The following SENP7 variants were observed in gnomAD, a reference collection of about 807,000 sequenced individuals.
The protein encoded by SENP7 is SUMO specific peptidase 7.
Under a neutral mutation model 141.2 loss-of-function variants are expected in SENP7, and 64 were observed. That is an observed-to-expected ratio of 0.45 (90% CI 0.37 to 0.56). The LOEUF (loss-of-function observed/expected upper bound fraction) is 0.56, where lower values mean the gene tolerates loss of function less well. Ranked by LOEUF, SENP7 falls within the 20% of genes least tolerant of loss-of-function variation. The pLI, the probability that SENP7 is intolerant of heterozygous loss-of-function variation, is 0.00. For synonymous variants in SENP7, 382 were observed against 426.4 expected, an observed-to-expected ratio of 0.90 and a Z score of 1.28; for missense variants, 1,025 against 1,212.2, an observed-to-expected ratio of 0.85 and a Z score of 2.29.
chr3:101,340,400 G>A lies in SENP7; in HGVS notation c.2241-189C>T, dbSNP rs1356880317. The stretch of plus-strand genomic sequence containing the variant: ...CCTCACAAGCTACTAATGGTACTCC[G>A]ATTGAGTATTATCTTTTCTTTTCCA... On this transcript the variant is annotated intron_variant, in intron 15 of 23. Transcript: ENST00000394095. The A allele has an allele frequency of 1.7e-5, 11 of 638,850 alleles. No individual in the cohort carries two copies. In the South Asian group the frequency reaches 1.7e-4, roughly 10 times the overall value. The allele number at this position is 638,850 out of a possible 1,614,324, so 39.6% of individuals were successfully genotyped here.
In SENP7 at chr3:101,343,948, G is replaced by A; in HGVS notation, c.1844C>T (p.Ser615Phe). Residue 615 changes from serine (S) to phenylalanine (F), a missense_variant, in exon 14 of 24, where the codon TCT (serine) becomes TTT (phenylalanine). Around this residue, in one of 4 missense-constraint regions of SENP7, gnomAD observed 228 missense variants for 228.5 expected, o/e 1.00. Coordinates refer to ENST00000394095, the MANE Select transcript of SENP7 (RefSeq NM_020654.5). ...EHSVLSQQSKSSEFIFLELHN... is the reference protein window; with the variant it reads ...EHSVLSQQSKFSEFIFLELHN... ...TAGTTCAAGGAAAATGAATTCACTA[G>A]ATTTTGCTACAAAAGGAAAAAATAA... is the stretch of plus-strand genomic sequence containing the variant. 6.4e-7 allele frequency: 1 copy of A among 1,557,894 alleles called. No homozygotes were observed. The highest frequency in any genetic ancestry group is 8.7e-7 in the Non-Finnish European group (1 of 1,151,992).
chr3:101,445,201 A>C (rs1421408354), intron 4 of SENP7, among the ~76,000 whole-genome samples: 1 of 152,230 alleles, frequency 6.6e-6, no homozygotes, highest in East Asian at 1.9e-4. Context: ...CGCTGAAATA[A>C]AGAGCTACCA....
rs564283293 is a variant in SENP7 at position 101,456,557 on chromosome 3, C to T, written c.284+2398G>A. On this transcript the variant is annotated intron_variant, in intron 4 of 23. Coordinates refer to ENST00000394095, the MANE Select transcript of SENP7 (RefSeq NM_020654.5). ...TAACTCTGGAACAGAAGTCAGATGT[C>T]GTAAATTCTATAAGGAAGGCCAAAC... Among the ~76,000 whole-genome samples the T allele has an allele frequency of 2.5e-3, 383 of 151,898 alleles. 1 individual carries two copies. The highest frequency in any genetic ancestry group is 4.1e-3 in the Non-Finnish European group (278 of 67,954).
At chr3:101,496,518 C>A (rs2065163311) in intron 2 of SENP7, among the ~76,000 whole-genome samples, 1 of 152,054 alleles carries the variant, frequency 6.6e-6, no homozygotes, top group South Asian at 2.1e-4. Context: ...CCCATCTTGG[C>A]CTCCCTAAGT....
chr3:101,356,235 T>C (rs1315324362), intron 11 of SENP7, among the ~76,000 whole-genome samples: 1 of 152,186 alleles, frequency 6.6e-6, no homozygotes, highest in Admixed American at 6.5e-5. Context: ...TCCACTTACA[T>C]TTTCATCATG....
At position 101,463,380 on chromosome 3, in the gene SENP7, T is replaced by TATATATATACAC. The variant is rs1553744727; in HGVS notation, c.187-4329_187-4328insGTGTATATATAT. Among the ~76,000 whole-genome samples, 13 of 72,128 alleles carry TATATATATACAC rather than the reference T, an allele frequency of 1.8e-4. 1 individual carries two copies. The highest frequency in any genetic ancestry group is 7.4e-4 in the African/African-American group (12 of 16,152). 47.3% of individuals were successfully genotyped at this position (72,128 alleles called of 152,430 possible). A position where few individuals can be genotyped will look rare whatever the true frequency, so the allele number is the denominator to read the frequency against. The stretch of plus-strand genomic sequence containing the variant: ...AAATAAATAAATATATATATATATA[T>TATATATATACAC]ATATATATATATATATACATATATA... On this transcript the variant is annotated intron_variant, in intron 3 of 23. Coordinates refer to ENST00000394095, the MANE Select transcript of SENP7 (RefSeq NM_020654.5).
chr3:101,449,070 G>A lies in SENP7; in HGVS notation c.284+9885C>T, dbSNP rs117568527. ...CTGAAAACCAAGGCACGAGAAGTAC[G>A]CGGCAAATGCACAAGCCTCAGTACC... On this transcript the variant is annotated intron_variant, in intron 4 of 23. Coordinates refer to ENST00000394095, the MANE Select transcript of SENP7 (RefSeq NM_020654.5). 1.8e-4 allele frequency among the ~76,000 whole-genome samples: 27 copies of A among 152,266 alleles called. No homozygotes were observed. In the East Asian group the frequency reaches 4.0e-3, roughly 23 times the overall value.
At position 101,448,482 on chromosome 3, in the gene SENP7, T is replaced by C. The variant is rs894347787; in HGVS notation, c.284+10473A>G. The stretch of plus-strand genomic sequence containing the variant: ...AACGACGAATTAGCTCCAGACCCTG[T>C]TTCCCTGAGTATCAGCAGCAGAGGC... On this transcript the variant is annotated intron_variant, in intron 4 of 23. Coordinates refer to ENST00000394095, the MANE Select transcript of SENP7 (RefSeq NM_020654.5). Among the ~76,000 whole-genome samples the C allele has an allele frequency of 2.0e-5, 3 of 152,218 alleles. No homozygotes were observed. In the South Asian group the frequency reaches 6.2e-4, roughly 32 times the overall value.
At chr3:101,371,972 A>C (rs2060193948) in intron 7 of SENP7, 36 bp downstream of exon 7, 1 of 928,728 alleles carries the variant, frequency 1.1e-6, no homozygotes, top group African/African-American at 1.7e-5. Context: ...AATAAGAAAA[A>C]ATTCAAATTC....
intron 4 of SENP7, chr3:101,457,263 G>C: frequency 1.3e-6 from 2 of 1,585,264 alleles, no homozygotes; most frequent in African/African-American, 2.7e-5. Flanking sequence ...ATTCTTGGAA[G>C]CCTCATCAAA....
chr3:101,370,114 A>G (rs1162293880), intron 7 of SENP7, among the ~76,000 whole-genome samples: 1 of 152,150 alleles, frequency 6.6e-6, no homozygotes, highest in Non-Finnish European at 1.5e-5. Flanking sequence ...TATTAGAAAC[A>G]CTTTCCCTAC....
intron 19 of SENP7, 84 bp downstream of exon 19, chr3:101,331,901 C>T (rs2059065145): frequency 7.3e-7 from 1 of 1,370,558 alleles, no homozygotes; most frequent in Non-Finnish European, 1.0e-6. Flanking sequence ...AATAACTATA[C>T]TACCGTTAAC....
At chr3:101,467,683 C>A (rs2063812445) in intron 3 of SENP7, among the ~76,000 whole-genome samples, 1 of 152,174 alleles carries the variant, frequency 6.6e-6, no homozygotes, top group Non-Finnish European at 1.5e-5. Flanking sequence ...AGGTCATCTA[C>A]ACCAAAACCT....
intron 3 of SENP7, among the ~76,000 whole-genome samples, chr3:101,487,163 T>C (rs1288745717): frequency 2.0e-5 from 3 of 152,042 alleles, no homozygotes; most frequent in East Asian, 1.9e-4. Context: ...AGCAACGTAA[T>C]ATTAGTGGGG....
At chr3:101,425,907 C>G (rs2061943671) in intron 4 of SENP7, among the ~76,000 whole-genome samples, 1 of 152,140 alleles carries the variant, frequency 6.6e-6, no homozygotes, top group South Asian at 2.1e-4. Flanking sequence ...AGCAAAGAAT[C>G]TCAGTGCCTG....
intron 12 of SENP7, among the ~76,000 whole-genome samples, chr3:101,348,757 A>C (rs550367203): frequency 6.6e-6 from 1 of 152,226 alleles, no homozygotes; most frequent in African/African-American, 2.4e-5. Flanking sequence ...GAGCTAAAGG[A>C]ATCTCCTCTG....
intron 11 of SENP7, among the ~76,000 whole-genome samples, chr3:101,355,901 G>C (rs1175960033): frequency 6.6e-6 from 1 of 152,032 alleles, no homozygotes; most frequent in Non-Finnish European, 1.5e-5. Flanking sequence ...GTGTTTTGCA[G>C]TTTTCATTGT....
chr3:101,513,043 C>T, intron 1 of SENP7, 48 bp downstream of exon 1: 2 of 1,603,072 alleles, frequency 1.2e-6, no homozygotes, highest in Non-Finnish European at 1.7e-6. Flanking sequence ...CTCCCGTTTC[C>T]CCCGGGTAGG....
intron 13 of SENP7, among the ~76,000 whole-genome samples, chr3:101,345,591 A>C (rs2059435451): frequency 1.3e-5 from 2 of 152,186 alleles, no homozygotes; most frequent in South Asian, 4.1e-4. Flanking sequence ...TTAATTTTGT[A>C]TCCTGAAACA....
Sources: gnomAD v4.1 joint callset for allele counts (sites outside exome capture counted in the v4.1 genomes callset) on GRCh38, gnomAD v4.1.1 for gene constraint, gnomAD v4.1.1 regional missense constraint, MANE v1.5 for transcripts, NCBI Gene and HGNC (gene_info 2026-07-23, HGNC 2026-07-21) for gene names.